STAG1: variants seen among roughly 807,000 people sequenced by gnomAD.
STAG1 encodes STAG1 cohesin complex component.
A neutral mutation model predicts 170.9 loss-of-function variants in STAG1; 26 were observed. That is an observed-to-expected ratio of 0.15 (90% CI 0.11 to 0.21). The LOEUF is 0.21. Ranked by LOEUF, STAG1 falls within the 10% of genes least tolerant of loss-of-function variation. STAG1 has a pLI of 1.00. For missense variants in STAG1, 964 were observed against 1,509.5 expected, an observed-to-expected ratio of 0.64 and a Z score of 5.99; for synonymous variants, 514 against 497.7, an observed-to-expected ratio of 1.03 and a Z score of -0.44.
intron 1 of STAG1, among the ~76,000 whole-genome samples, chr3:136,716,174 A>G (rs904664905): frequency 6.9e-6 from 1 of 144,334 alleles, no homozygotes; most frequent in Non-Finnish European, 1.5e-5. Flanking sequence ...CACTTAAGTC[A>G]TGGCGGGCAC....
In STAG1 at chr3:136,464,907, C is replaced by T. The variant is rs768696863; in HGVS notation, c.1287G>A (p.Val429=). Residue 429 remains valine (V), a synonymous_variant, in exon 13 of 34, where the codon GTG becomes GTA. Transcript: ENST00000383202. ...TTTTGTGAAGGAACTCTCCAGCTGC[C>T]ACAGCAACAGGGCGATGTGCCGAGT... The part of the protein sequence containing the change: ...LVYSAHRPVA[V]AAGEFLHKKL... 1.9e-6 allele frequency: 3 copies of T among 1,612,070 alleles called. No individual in the cohort carries two copies. The East Asian group carries it at 6.7e-5, about 36-fold the overall frequency.
chr3:136,421,279 G>C, intron 19 of STAG1, 116 bp from the exon 20 acceptor site: 1 of 486,152 alleles, frequency 2.1e-6, no homozygotes, highest in Non-Finnish European at 3.4e-6. Context: ...ATTCATTGTA[G>C]ATCCATAATA....
Position 136,404,863 on chromosome 3 carries a change from ATGTGTGTGTGTGTGTG to A in STAG1, c.2197-6050_2197-6035del, listed in dbSNP as rs34596713. Among the ~76,000 whole-genome samples the A allele has an allele frequency of 4.0e-5, 6 of 149,010 alleles. No homozygotes were observed. The East Asian group carries it at 9.9e-4, about 25-fold the overall frequency. On this transcript the variant is annotated intron_variant, in intron 21 of 33. Coordinates refer to ENST00000383202, the MANE Select transcript of STAG1 (RefSeq NM_005862.3). Reference sequence around the variant, plus strand: ...TAGTAAGGAAAATAATTATGCATATATGTGTGTGTGTGTGTGTGTGTGTGTGTGTATACATGCATAT... The same window carrying A: ...TAGTAAGGAAAATAATTATGCATATATGTGTGTGTGTGTATACATGCATAT...
At chr3:136,338,307 A>T (rs1358727426) in intron 33 of STAG1, 30 bp from the exon 34 acceptor site, 1 of 1,550,218 alleles carries the variant, frequency 6.5e-7, no homozygotes, top group Non-Finnish European at 8.9e-7. Flanking sequence ...CATAATTATT[A>T]ATTTCATGCA....
chr3:136,425,235 C>T lies in STAG1; in HGVS notation c.1651-2191G>A, dbSNP rs144667600. 7.2e-5 allele frequency among the ~76,000 whole-genome samples: 11 copies of T among 152,224 alleles called. No homozygotes were observed. The East Asian group carries it at 2.1e-3, about 29-fold the overall frequency. Reference sequence around the variant, plus strand: ...GTGCATCCACCTAATAGACACTATACAGCCAGAAGAAAATGAAGACCTCCA... The same window carrying T: ...GTGCATCCACCTAATAGACACTATATAGCCAGAAGAAAATGAAGACCTCCA... On this transcript the variant is annotated intron_variant, in intron 16 of 33. Transcript: ENST00000383202.
chr3:136,391,704 C>T (rs1285130852), intron 22 of STAG1, among the ~76,000 whole-genome samples: 1 of 152,146 alleles, frequency 6.6e-6, no homozygotes, highest in Non-Finnish European at 1.5e-5. Flanking sequence ...ATTTGCCTGG[C>T]TCTTTAAATG....
chr3:136,649,758 A>C (rs1259424067), intron 1 of STAG1, among the ~76,000 whole-genome samples: 1 of 151,258 alleles, frequency 6.6e-6, no homozygotes, highest in African/African-American at 2.4e-5. Flanking sequence ...TCCGTAGCAA[A>C]AAAAAAAAAG....
At chr3:136,745,314 T>C (rs1008222206) in intron 1 of STAG1, among the ~76,000 whole-genome samples, 5 of 151,878 alleles carry the variant, frequency 3.3e-5, no homozygotes, top group Admixed American at 3.3e-4. Context: ...AAATTAAAAA[T>C]AAATAAAAAA....
intron 1 of STAG1, among the ~76,000 whole-genome samples, chr3:136,716,392 G>C (rs1943542896): frequency 6.6e-6 from 1 of 152,068 alleles, no homozygotes; most frequent in Non-Finnish European, 1.5e-5. Flanking sequence ...GAACCCTACA[G>C]GCAGCGGTTG....
At chr3:136,523,033 G>C (rs972210303) in intron 6 of STAG1, among the ~76,000 whole-genome samples, 6 of 152,088 alleles carry the variant, frequency 3.9e-5, no homozygotes, top group African/African-American at 7.2e-5. Flanking sequence ...AAACATACGT[G>C]TGCATAGGTC....
At chr3:136,418,923 G>A (rs2087863183) in intron 20 of STAG1, among the ~76,000 whole-genome samples, 1 of 152,090 alleles carries the variant, frequency 6.6e-6, no homozygotes, top group Non-Finnish European at 1.5e-5. Flanking sequence ...TTATAGGTGT[G>A]AGCCACCGCG....
At chr3:136,702,072 CGAAAGAGA>C (rs1225157496) in intron 1 of STAG1, among the ~76,000 whole-genome samples, 2 of 82,426 alleles carry the variant, frequency 2.4e-5, no homozygotes, top group East Asian at 7.2e-4. Flanking sequence ...ACCACCATGC[CGAAAGAGA>C]GAGAGAGAGA....
chr3:136,461,751 A>G (rs1203682562), intron 13 of STAG1, among the ~76,000 whole-genome samples: 2 of 152,142 alleles, frequency 1.3e-5, no homozygotes, highest in African/African-American at 4.8e-5. Context: ...AGGGATCAAT[A>G]AAGAGACAAC....
At chr3:136,469,139 CA>C (rs1343093446) in intron 12 of STAG1, among the ~76,000 whole-genome samples, 3 of 151,962 alleles carry the variant, frequency 2.0e-5, no homozygotes, top group Admixed American at 1.3e-4. Context: ...CTGGCCAGGG[CA>C]ATCAGGCAGG....
chr3:136,550,907 G>A (rs1936354221), intron 5 of STAG1, among the ~76,000 whole-genome samples: 2 of 152,100 alleles, frequency 1.3e-5, no homozygotes, highest in African/African-American at 4.8e-5. Flanking sequence ...TTTTTGGAAG[G>A]AAAGTAAAGA....
chr3:136,471,224 C>T (rs1429153282), intron 12 of STAG1, among the ~76,000 whole-genome samples: 1 of 151,560 alleles, frequency 6.6e-6, no homozygotes, highest in African/African-American at 2.4e-5. Context: ...AGTAAGAATA[C>T]TTCTCTTTAA....
chr3:136,511,574 C>T (rs1343681338), intron 7 of STAG1, among the ~76,000 whole-genome samples: 1 of 152,148 alleles, frequency 6.6e-6, no homozygotes, highest in African/African-American at 2.4e-5. Flanking sequence ...CATGTTCTCA[C>T]TTATAAGTGG....
intron 8 of STAG1, 117 bp from the exon 9 acceptor site, chr3:136,500,413 C>A (rs1933402036): frequency 1.5e-6 from 1 of 655,188 alleles, no homozygotes; most frequent in Admixed American, 3.1e-5. Flanking sequence ...ATCCTTTTCT[C>A]ACTTGTAGTA....
At chr3:136,744,508 T>G (rs1049070630) in intron 1 of STAG1, among the ~76,000 whole-genome samples, 1 of 152,122 alleles carries the variant, frequency 6.6e-6, no homozygotes, top group Non-Finnish European at 1.5e-5. Flanking sequence ...CACCAATACT[T>G]GACATTATCA....
Sources: gnomAD v4.1 joint callset for allele counts (sites outside exome capture counted in the v4.1 genomes callset) on GRCh38, gnomAD v4.1.1 for gene constraint, MANE v1.5 for transcripts, NCBI Gene and HGNC (gene_info 2026-07-23, HGNC 2026-07-21) for gene names.